FHOD3: variants seen among roughly 807,000 people sequenced by gnomAD.
FHOD3 encodes formin homology 2 domain containing 3, also known as FH1/FH2 domain-containing protein 3.
Under a neutral mutation model 173.0 loss-of-function variants are expected in FHOD3, and 90 were observed. The observed-to-expected ratio is 0.52, with a 90% CI of 0.44 to 0.62. The LOEUF (loss-of-function observed/expected upper bound fraction) is 0.62, where lower values mean the gene tolerates loss of function less well. Ranked by LOEUF, FHOD3 falls within the 20% of genes least tolerant of loss-of-function variation. The pLI, the probability that FHOD3 is intolerant of heterozygous loss-of-function variation, is 0.00. For synonymous variants in FHOD3, 828 were observed against 823.0 expected (o/e 1.01, Z -0.10); for missense variants, 1,945 against 2,034.7 (o/e 0.96, Z 0.85).
intron 10 of FHOD3, among the ~76,000 whole-genome samples, chr18:36,637,040 T>G (rs550010092): frequency 1.6e-4 from 24 of 152,324 alleles, no homozygotes; most frequent in Non-Finnish European, 2.6e-4. Flanking sequence ...TTTGCATTTA[T>G]GGACTTGGGT....
At chr18:36,681,130 T>C (rs2038210742) in intron 14 of FHOD3, among the ~76,000 whole-genome samples, 1 of 152,158 alleles carries the variant, frequency 6.6e-6, no homozygotes, top group African/African-American at 2.4e-5. Flanking sequence ...ATATAGAATG[T>C]ATATACATTC....
chr18:36,461,462 T>G (rs75720907), intron 3 of FHOD3, among the ~76,000 whole-genome samples: 9 of 151,834 alleles, frequency 5.9e-5, no homozygotes, highest in Admixed American at 1.3e-4. Context: ...TGTGTGTGTT[T>G]TTTTTTTTCT....
intron 3 of FHOD3, among the ~76,000 whole-genome samples, chr18:36,399,947 C>T (rs2048727326): frequency 6.6e-6 from 1 of 152,198 alleles, no homozygotes. Context: ...TTTGCTCCTT[C>T]TGAATCATAG....
intron 5 of FHOD3, among the ~76,000 whole-genome samples, chr18:36,518,814 C>T (rs975242251): frequency 2.0e-5 from 3 of 152,146 alleles, no homozygotes; most frequent in African/African-American, 7.2e-5. Flanking sequence ...TTTCTTCCTC[C>T]TGTAGTTGAA....
chr18:36,772,185 T>A (rs2043415987), intron 28 of FHOD3, among the ~76,000 whole-genome samples: 1 of 152,254 alleles, frequency 6.6e-6, no homozygotes, highest in Non-Finnish European at 1.5e-5. Context: ...ACAGTTACTA[T>A]AACAAGTACA....
chr18:36,625,475 G>A, intron 9 of FHOD3, 36 bp from the exon 10 acceptor site: 3 of 1,377,230 alleles, frequency 2.2e-6, no homozygotes, highest in Non-Finnish European at 2.9e-6. Context: ...AGGATGCCAA[G>A]CCTGACCTTG....
At chr18:36,703,991 G>C (rs1432263690) in intron 17 of FHOD3, among the ~76,000 whole-genome samples, 2 of 152,166 alleles carry the variant, frequency 1.3e-5, no homozygotes, top group African/African-American at 4.8e-5. Context: ...TTTAGTGGCT[G>C]TGTTCTGGTT....
At chr18:36,719,610 A>G (rs115470506) in intron 19 of FHOD3, among the ~76,000 whole-genome samples, 16 of 152,384 alleles carry the variant, frequency 1.0e-4, no homozygotes, top group African/African-American at 3.8e-4. Context: ...AGCATAATTT[A>G]GAATAAACAT....
At chr18:36,721,114 C>G (rs1321545188) in intron 19 of FHOD3, among the ~76,000 whole-genome samples, 3 of 152,134 alleles carry the variant, frequency 2.0e-5, no homozygotes, top group African/African-American at 7.2e-5. Flanking sequence ...CAGGTAGTGA[C>G]CTCTAGAACA....
intron 6 of FHOD3, among the ~76,000 whole-genome samples, chr18:36,581,311 C>T (rs976241118): frequency 6.6e-6 from 1 of 152,202 alleles, no homozygotes; most frequent in African/African-American, 2.4e-5. Flanking sequence ...TCAGTCTATA[C>T]AGCATGGCCC....
At chr18:36,601,365 TAAAC>T in intron 7 of FHOD3, among the ~76,000 whole-genome samples, 1 of 152,318 alleles carries the variant, frequency 6.6e-6, no homozygotes, top group East Asian at 1.9e-4. Flanking sequence ...TTAATCCTCT[TAAAC>T]AAATCCCCTT....
chr18:36,564,780 G>GT (rs2147751392), intron 5 of FHOD3, among the ~76,000 whole-genome samples: 1 of 152,236 alleles, frequency 6.6e-6, no homozygotes, highest in African/African-American at 2.4e-5. Context: ...GCTTGTAAGT[G>GT]TTAGGGGAGA....
At chr18:36,710,749 C>A (rs2040128445) in intron 18 of FHOD3, 1 of 152,154 alleles carries the variant, frequency 6.6e-6, no homozygotes, top group African/African-American at 2.4e-5. Flanking sequence ...TACTTAATTT[C>A]TTTCAAAGTC....
intron 3 of FHOD3, among the ~76,000 whole-genome samples, chr18:36,458,666 GTTT>G (rs35141522): frequency 0.061 from 6,344 of 104,794 alleles, 288 homozygotes; most frequent in African/African-American, 0.2. Context: ...TTTTTGTTAG[GTTT>G]TTTTTTTTTT....
At chr18:36,376,226 A>G (rs912201900) in intron 3 of FHOD3, among the ~76,000 whole-genome samples, 1 of 152,200 alleles carries the variant, frequency 6.6e-6, no homozygotes, top group Non-Finnish European at 1.5e-5. Flanking sequence ...TAAGGTTTGA[A>G]GTCGTTAAGA....
intron 1 of FHOD3, among the ~76,000 whole-genome samples, chr18:36,352,612 G>A (rs1422804966): frequency 6.6e-6 from 1 of 152,198 alleles, no homozygotes; most frequent in Non-Finnish European, 1.5e-5. Context: ...CCCTCTGGCT[G>A]AGTGTGGATC....
At position 36,771,083 on chromosome 18, in the gene FHOD3, G is replaced by C. The variant is rs573591845; in HGVS notation, c.4786+1657G>C. 5.3e-5 allele frequency among the ~76,000 whole-genome samples: 8 copies of C among 152,112 alleles called. No homozygotes were observed. The East Asian group carries it at 1.5e-3, about 29-fold the overall frequency. On this transcript the variant is annotated intron_variant, in intron 28 of 28. Transcript: ENST00000590592. ...TACTATGAATTCTTTGCTGTCTCCT[G>C]GTGCACTTGTGAAAGAACTTGGCTA... is the stretch of plus-strand genomic sequence containing the variant.
At chr18:36,501,644 TTG>T (rs1452883763) in intron 3 of FHOD3, among the ~76,000 whole-genome samples, 1 of 152,160 alleles carries the variant, frequency 6.6e-6, no homozygotes. Context: ...TAGGTGATAG[TTG>T]TCAGTGATAG....
chr18:36,520,196 A>T (rs2056206785), intron 5 of FHOD3, among the ~76,000 whole-genome samples: 1 of 152,042 alleles, frequency 6.6e-6, no homozygotes, highest in Admixed American at 6.6e-5. Context: ...TGGTCTCAAG[A>T]GGTTCTCCTG....
Sources: allele counts gnomAD v4.1 joint callset (sites outside exome capture counted in the v4.1 genomes callset), GRCh38; gene constraint gnomAD v4.1.1; transcripts MANE v1.5; gene names NCBI Gene and HGNC (gene_info 2026-07-23, HGNC 2026-07-21).